Variants in MCM3 observed in about 807,000 individuals in gnomAD.
MCM3 encodes the protein DNA replication licensing factor MCM3.
Under a neutral mutation model 91.3 loss-of-function variants are expected in MCM3, and 59 were observed. That is an observed-to-expected ratio of 0.65 (90% CI 0.52 to 0.80). The LOEUF (loss-of-function observed/expected upper bound fraction) is 0.80. Ranked by LOEUF, MCM3 falls within the 30% of genes least tolerant of loss-of-function variation. The pLI, the probability that MCM3 is intolerant of heterozygous loss-of-function variation, is 0.00. For synonymous variants in MCM3, 383 were observed against 379.6 expected (o/e 1.01, Z -0.10); for missense variants, 919 against 1,035.4 (o/e 0.89, Z 1.54).
chr6:52,267,809 C>CA (rs1764764636), intron 14 of MCM3, 56 bp downstream of exon 14: 13 of 745,286 alleles, frequency 1.7e-5, no homozygotes. Context: ...TACAGGCGTG[C>CA]ACCCCCAACT....
intron 9 of MCM3, among the ~76,000 whole-genome samples, chr6:52,274,888 A>G (rs924631635): frequency 1.3e-5 from 2 of 152,016 alleles, no homozygotes; most frequent in African/African-American, 2.4e-5. Context: ...GTATTTCCCA[A>G]TCACTCTTGA....
At chr6:52,284,344 G>A (rs761376020) in intron 1 of MCM3, among the ~76,000 whole-genome samples, 53 of 152,182 alleles carry the variant, frequency 3.5e-4, no homozygotes, top group Non-Finnish European at 6.8e-4. Flanking sequence ...CACTTAATGG[G>A]AACCTGTCGC....
At chr6:52,270,311 A>G (rs1263906600) in intron 12 of MCM3, among the ~76,000 whole-genome samples, 1 of 147,158 alleles carries the variant, frequency 6.8e-6, no homozygotes, top group African/African-American at 2.5e-5. Flanking sequence ...CCTGGGCAAC[A>G]GAGCGAGATT....
At position 52,264,549 on chromosome 6, in the gene MCM3, ACT is replaced by A. The variant is rs1440115180; in HGVS notation, c.*37_*38del. On this transcript the variant is annotated 3_prime_UTR_variant, in exon 17 of 17. Coordinates refer to ENST00000596288, the MANE Select transcript of MCM3 (RefSeq NM_002388.6). ...GGAGAGGGTGGGAAACACAGAACAA[ACT>A]CTCTCGGCACAACCCAAGTTCAGAG... 1.6e-5 allele frequency: 26 copies of A among 1,608,826 alleles called. No homozygotes were observed. Among genetic ancestry groups the A allele is most frequent in the Middle Eastern group, 1.6e-4 (1 of 6,072 alleles).
chr6:52,273,859 G>GT lies in MCM3; in HGVS notation c.1431dup (p.Arg478ThrfsTer3). ...AGCATGATGAAGAGCAAGTCAAATC[G>GT]TGACAGCAGTGAGTCCTGTAGCCCA... On this transcript the variant is annotated frameshift_variant, in exon 10 of 17. Transcript: ENST00000596288. LOFTEE classifies it high-confidence loss of function. The GT allele has an allele frequency of 6.2e-7, 1 of 1,614,068 alleles. No homozygotes were observed. Among genetic ancestry groups the GT allele is most frequent in the Non-Finnish European group, 8.5e-7 (1 of 1,179,988 alleles).
chr6:52,282,602 C>G (rs376839751), intron 3 of MCM3, 51 bp downstream of exon 3: 137 of 1,566,368 alleles, frequency 8.7e-5, no homozygotes, highest in Non-Finnish European at 1.1e-4. Context: ...TCCTGCTTTC[C>G]CCATCTCCCT....
chr6:52,265,732 T>C (rs192357798), intron 16 of MCM3, among the ~76,000 whole-genome samples: 2 of 152,122 alleles, frequency 1.3e-5, no homozygotes, highest in Admixed American at 6.6e-5. Context: ...CAAAAACAAA[T>C]GGCCAAAATG....
rs754613097 is a variant in MCM3, at chr6:52,273,783, C to A, written c.1508G>T (p.Arg503Leu). ...CCCAGGTGCTCTGTAACGGTGCATC[C>A]GAAGGACATGGTCTGAGATCTCCCG... The part of the protein sequence containing the change: ...QDREISDHVL[R>L]MHRYRAPGEQ... The change falls in exon 10 of 17, where the codon CGG (arginine) becomes CTG (leucine). Residue 503 changes from arginine to leucine, a missense_variant. Around this residue, in one of 3 missense-constraint regions of MCM3, gnomAD observed 233 missense variants for 321.2 expected, o/e 0.73. Coordinates refer to ENST00000596288, the MANE Select transcript of MCM3 (RefSeq NM_002388.6). The A allele has an allele frequency of 6.2e-7, 1 of 1,613,780 alleles. No individual in the cohort carries two copies. The highest frequency in any genetic ancestry group is 2.2e-5 in the East Asian group (1 of 44,880).
At position 52,282,669 on chromosome 6, in the gene MCM3, C is replaced by T. The variant is rs774819348; in HGVS notation, c.384G>A (p.Glu128=). 1 of 1,613,348 alleles carries T rather than the reference C, an allele frequency of 6.2e-7. No individual in the cohort carries two copies. ...SCFLSCVVCV[E]GIVTKCSLVR... ...CCCACTTACATTTAGTGACAATGCC[C>T]TCCACACAGACCACACAGCTGAGGA... The change falls in exon 3 of 17, where the codon GAG becomes GAA. Residue 128 remains glutamate, a synonymous_variant. Coordinates refer to ENST00000596288, the MANE Select transcript of MCM3 (RefSeq NM_002388.6).
intron 12 of MCM3, among the ~76,000 whole-genome samples, chr6:52,270,835 C>A (rs1765070862): frequency 6.6e-6 from 1 of 152,194 alleles, no homozygotes; most frequent in Non-Finnish European, 1.5e-5. Flanking sequence ...CTAACACCCA[C>A]AGGTAAAAGT....
chr6:52,264,506 G>A lies in MCM3; in HGVS notation c.*82C>T. The A allele has an allele frequency of 6.8e-7, 1 of 1,463,604 alleles. No homozygotes were observed. The highest frequency in any genetic ancestry group is 1.2e-5 in the South Asian group (1 of 85,058). The allele number at this position is 1,463,604 out of a possible 1,614,324, so 90.7% of individuals were successfully genotyped here. On this transcript the variant is annotated 3_prime_UTR_variant, in exon 17 of 17. Coordinates refer to ENST00000596288, the MANE Select transcript of MCM3 (RefSeq NM_002388.6). ...AATTCAACACTGTTAAGGGAGTAGA[G>A]GCAAAGACTTGGGTCAGGGAGAGGG...
rs566405211 is a variant in MCM3 at position 52,277,166 on chromosome 6, G to A, written c.1066C>T (p.Arg356Trp). Reference protein sequence around the residue: ...DPSVAKSQLLRYVLCTAPRAI... With the variant: ...DPSVAKSQLLWYVLCTAPRAI... ...CGGGGTGCAGTGCAAAGCACATACC[G>A]CAGAAGCTGAGACTTGGCAACGGAT... The change falls in exon 8 of 17, where the codon CGG (arginine) becomes TGG (tryptophan). Residue 356 changes from arginine to tryptophan, a missense_variant. Physicochemically the swap from Arg to Trp is moderately radical, Grantham distance 101. Coordinates refer to ENST00000596288, the MANE Select transcript of MCM3 (RefSeq NM_002388.6). 5.0e-6 allele frequency: 8 copies of A among 1,613,632 alleles called. No individual in the cohort carries two copies. Among genetic ancestry groups the A allele is most frequent in the East Asian group, 2.2e-5 (1 of 44,878 alleles).
At position 52,277,486 on chromosome 6, in the gene MCM3, C is replaced by T. The variant is rs527473930; in HGVS notation, c.1033+49G>A. 125 of 1,564,680 alleles carry T rather than the reference C, an allele frequency of 8.0e-5. No individual in the cohort carries two copies. The South Asian group carries it at 1.3e-3, about 17-fold the overall frequency. ...CAATCTTACATATTATAGGTCTCCA[C>T]AACCACTCCATCAGAACAACAGTCT... is the stretch of plus-strand genomic sequence containing the variant. On this transcript the variant is annotated intron_variant, in intron 7 of 16. Coordinates refer to ENST00000596288, the MANE Select transcript of MCM3 (RefSeq NM_002388.6).
chr6:52,279,868 C>T (rs1012331464), intron 4 of MCM3, among the ~76,000 whole-genome samples: 4 of 152,194 alleles, frequency 2.6e-5, no homozygotes, highest in African/African-American at 4.8e-5. Flanking sequence ...TATATGCTTA[C>T]ATTCTGAAGC....
intron 12 of MCM3, among the ~76,000 whole-genome samples, chr6:52,270,994 C>T (rs1020320438): frequency 7.9e-5 from 12 of 152,100 alleles, no homozygotes; most frequent in South Asian, 2.1e-4. Flanking sequence ...GGGCGGATCA[C>T]GAGGTCAGGA....
At position 52,284,716 on chromosome 6, in the gene MCM3, G is replaced by A. The variant is rs1187946751; in HGVS notation, c.-42C>T. 3 of 1,581,774 alleles carry A rather than the reference G, an allele frequency of 1.9e-6. No individual in the cohort carries two copies. Among genetic ancestry groups the A allele is most frequent in the Non-Finnish European group, 2.6e-6 (3 of 1,165,554 alleles). On this transcript the variant is annotated 5_prime_UTR_variant, in exon 1 of 17. Transcript: ENST00000596288. ...CTACCTCCACCAAAGTCGCGTGGAG[G>A]TTCCCAGGATGACTCCACCCCGGCG...
chr6:52,269,858 G>A (rs1361592077), intron 12 of MCM3, among the ~76,000 whole-genome samples: 1 of 152,202 alleles, frequency 6.6e-6, no homozygotes, highest in African/African-American at 2.4e-5. Context: ...CAATCAGAAT[G>A]AATTGGAAAT....
chr6:52,282,574 C>T, intron 3 of MCM3, 79 bp downstream of exon 3: 2 of 1,376,784 alleles, frequency 1.5e-6, no homozygotes, highest in Admixed American at 1.8e-5. Flanking sequence ...CACAAGCTAC[C>T]CAGATCTACT....
At chr6:52,273,693 C>G (rs781243208) in intron 10 of MCM3, 49 bp downstream of exon 10, 1 of 1,541,746 alleles carries the variant, frequency 6.5e-7, no homozygotes, top group Non-Finnish European at 8.8e-7. Flanking sequence ...AAACTACCAT[C>G]TGTTTAGCGC....
Sources: allele counts gnomAD v4.1 joint callset (sites outside exome capture counted in the v4.1 genomes callset), GRCh38; gene constraint gnomAD v4.1.1; regional missense constraint gnomAD v4.1.1; transcripts MANE v1.5; gene names NCBI Gene and HGNC (gene_info 2026-07-23, HGNC 2026-07-21).